The following ZFHX4 variants were observed in gnomAD, a reference collection of about 807,000 sequenced individuals.
ZFHX4 encodes the protein zinc finger homeobox 4.
ZFHX4 carries 56 observed loss-of-function variants against 267.6 expected under a neutral mutation model. The observed-to-expected ratio is 0.21, with a 90% CI of 0.17 to 0.26. The LOEUF (loss-of-function observed/expected upper bound fraction) is 0.26. Ranked by LOEUF, ZFHX4 falls within the 10% of genes least tolerant of loss-of-function variation. ZFHX4 has a pLI of 1.00. For synonymous variants in ZFHX4, 1,778 were observed against 1,665.6 expected (o/e 1.07, Z -1.64); for missense variants, 4,332 against 4,420.0 (o/e 0.98, Z 0.56).
At chr8:76,763,516 A>G (rs1809972258) in intron 3 of ZFHX4, among the ~76,000 whole-genome samples, 1 of 152,068 alleles carries the variant, frequency 6.6e-6, no homozygotes, top group East Asian at 1.9e-4. Context: ...CCAGCTACTC[A>G]GGTGGCTGAG....
chr8:76,719,220 T>C (rs1390171385), intron 3 of ZFHX4, among the ~76,000 whole-genome samples: 1 of 148,822 alleles, frequency 6.7e-6, no homozygotes, highest in Non-Finnish European at 1.5e-5. Flanking sequence ...AGAATGAGAA[T>C]AGAATATATA....
intron 4 of ZFHX4, among the ~76,000 whole-genome samples, chr8:76,789,583 A>ATGAATGAAAGTAAG (rs1810781264): frequency 6.6e-6 from 1 of 152,172 alleles, no homozygotes; most frequent in Non-Finnish European, 1.5e-5. Flanking sequence ...TTCAGGATCA[A>ATGAATGAAAGTAAG]CACAGATCTG....
In ZFHX4 at chr8:76,851,656, C is replaced by G. The variant is rs764442214; in HGVS notation, c.4735C>G (p.Pro1579Ala). Residue 1579 changes from proline (P) to alanine (A), a missense_variant, in exon 10 of 11, where the codon CCT (proline) becomes GCT (alanine). This residue lies in a region of ZFHX4 where 1,371 missense variants were observed against 1,423.1 expected (regional missense o/e 0.96). Coordinates refer to ENST00000651372, the MANE Select transcript of ZFHX4 (RefSeq NM_024721.5). ...LKKVLQEASS[P>A]VPQETNSNTD... ...AAAAGTTTTGCAGGAAGCCTCCAGTCCTGTCCCACAAGAAACCAACAGCAA... is the reference window on the plus strand; with the variant it reads ...AAAAGTTTTGCAGGAAGCCTCCAGTGCTGTCCCACAAGAAACCAACAGCAA... 6.2e-7 allele frequency: 1 copy of G among 1,613,900 alleles called. No homozygotes were observed. Among genetic ancestry groups the G allele is most frequent in the Non-Finnish European group, 8.5e-7 (1 of 1,179,860 alleles).
chr8:76,706,328 A>G lies in ZFHX4; in HGVS notation c.2240A>G (p.Asn747Ser), dbSNP rs377118647. Residue 747 changes from asparagine to serine, a missense_variant, in exon 2 of 11, where the codon AAC (asparagine) becomes AGC (serine). Physicochemically the swap from Asn to Ser is conservative, Grantham distance 46. Coordinates refer to ENST00000651372, the MANE Select transcript of ZFHX4 (RefSeq NM_024721.5). ...TTTGGCCACTCTGCCCCAGCCCCCA[A>G]CACCAGCCTCAGTGGCTGCGGAACA... ...QVFGHSAPAP[N>S]TSLSGCGTPS... 4 of 1,614,022 alleles carry G rather than the reference A, an allele frequency of 2.5e-6. No homozygotes were observed. Among genetic ancestry groups the G allele is most frequent in the Non-Finnish European group, 3.4e-6 (4 of 1,179,974 alleles).
At chr8:76,812,560 A>G (rs866198583) in intron 4 of ZFHX4, among the ~76,000 whole-genome samples, 2 of 152,222 alleles carry the variant, frequency 1.3e-5, no homozygotes, top group Non-Finnish European at 2.9e-5. Context: ...AGCCAAATTT[A>G]AGAAACAGAA....
At chr8:76,792,469 T>G (rs1181087641) in intron 4 of ZFHX4, among the ~76,000 whole-genome samples, 1 of 152,224 alleles carries the variant, frequency 6.6e-6, no homozygotes. Flanking sequence ...AATGGTTTAT[T>G]CCCAATAAGA....
chr8:76,733,965 A>C (rs1236867910), intron 3 of ZFHX4, among the ~76,000 whole-genome samples: 2 of 152,188 alleles, frequency 1.3e-5, no homozygotes, highest in Admixed American at 6.5e-5. Context: ...CACCTATTAG[A>C]GGATAGAGAC....
At chr8:76,786,027 A>T (rs1200618225) in intron 4 of ZFHX4, among the ~76,000 whole-genome samples, 1 of 152,026 alleles carries the variant, frequency 6.6e-6, no homozygotes, top group Non-Finnish European at 1.5e-5. Flanking sequence ...CGTAACGTGG[A>T]TATTATTTTA....
At chr8:76,757,907 C>G (rs905639764) in intron 3 of ZFHX4, among the ~76,000 whole-genome samples, 1 of 152,146 alleles carries the variant, frequency 6.6e-6, no homozygotes, top group Non-Finnish European at 1.5e-5. Context: ...GATGGTGGAC[C>G]AGGGATGTCC....
rs145411369 is a variant in ZFHX4, at chr8:76,712,232, G to T, written c.3093+4184G>T. 4.8e-3 allele frequency among the ~76,000 whole-genome samples: 734 copies of T among 152,126 alleles called. 3 individuals carry two copies. Among genetic ancestry groups the T allele is most frequent in the African/African-American group, 0.017 (700 of 41,506 alleles). On this transcript the variant is annotated intron_variant, in intron 3 of 10. Transcript: ENST00000651372. ...CATTCCCCCGTGGAGCATTTTTTGG[G>T]TTTTTCTCATTATCCATGTTATGGA...
At position 76,855,832 on chromosome 8, in the gene ZFHX4, C is replaced by T. The variant is rs1812706944; in HGVS notation, c.8911C>T (p.Arg2971Cys). 1.2e-6 allele frequency: 2 copies of T among 1,613,848 alleles called. No homozygotes were observed. The highest frequency in any genetic ancestry group is 1.7e-6 in the Non-Finnish European group (2 of 1,179,848). The change falls in exon 10 of 11, where the codon CGC becomes TGC. Residue 2971 changes from arginine to cysteine, a missense_variant. Coordinates refer to ENST00000651372, the MANE Select transcript of ZFHX4 (RefSeq NM_024721.5). Reference protein sequence around the residue: ...MLGNEIGLPKRVVQVWFQNAR... With the variant: ...MLGNEIGLPKCVVQVWFQNAR... ...AGGGAATGAGATTGGTCTGCCCAAA[C>T]GCGTAGTCCAGGTGTGGTTCCAAAA...
chr8:76,831,821 C>T (rs1429429607), intron 4 of ZFHX4, among the ~76,000 whole-genome samples: 1 of 151,982 alleles, frequency 6.6e-6, no homozygotes, highest in Non-Finnish European at 1.5e-5. Context: ...TCAAAAGAAC[C>T]ACGTTAATCA....
intron 4 of ZFHX4, among the ~76,000 whole-genome samples, chr8:76,823,594 T>C (rs1475761443): frequency 6.6e-6 from 1 of 152,210 alleles, no homozygotes; most frequent in Non-Finnish European, 1.5e-5. Flanking sequence ...CTAGGTCAGA[T>C]CTCATAAGTA....
At chr8:76,862,681 C>T (rs953202507) in intron 10 of ZFHX4, among the ~76,000 whole-genome samples, 17 of 152,050 alleles carry the variant, frequency 1.1e-4, no homozygotes, top group African/African-American at 2.4e-4. Flanking sequence ...AAGTGAAGGA[C>T]GGAGAGAGTC....
intron 3 of ZFHX4, among the ~76,000 whole-genome samples, chr8:76,759,909 T>A (rs549409015): frequency 1.3e-5 from 2 of 152,180 alleles, no homozygotes; most frequent in African/African-American, 4.8e-5. Flanking sequence ...GACAGGTAAA[T>A]GATCTAAGTG....
At chr8:76,701,802 T>A (rs906263888) in intron 1 of ZFHX4, among the ~76,000 whole-genome samples, 1 of 151,948 alleles carries the variant, frequency 6.6e-6, no homozygotes, top group African/African-American at 2.4e-5. Flanking sequence ...TTAAAGTGAA[T>A]TTTTTTTACA....
intron 4 of ZFHX4, among the ~76,000 whole-genome samples, chr8:76,826,060 G>T (rs1187902873): frequency 1.3e-5 from 2 of 152,190 alleles, no homozygotes; most frequent in Non-Finnish European, 2.9e-5. Flanking sequence ...GGTTCTGTAG[G>T]CTGTATAAGC....
chr8:76,809,594 T>C (rs748275888), intron 4 of ZFHX4, among the ~76,000 whole-genome samples: 1 of 152,192 alleles, frequency 6.6e-6, no homozygotes, highest in Non-Finnish European at 1.5e-5. Flanking sequence ...CTAAAAACTG[T>C]AGAACCATTA....
intron 4 of ZFHX4, among the ~76,000 whole-genome samples, chr8:76,814,175 G>C (rs1161250550): frequency 1.3e-5 from 2 of 152,072 alleles, no homozygotes; most frequent in Non-Finnish European, 2.9e-5. Flanking sequence ...GGGCACAAGT[G>C]ATCTGTCACC....
Sources: gnomAD v4.1 joint callset for allele counts (sites outside exome capture counted in the v4.1 genomes callset) on GRCh38, gnomAD v4.1.1 for gene constraint, gnomAD v4.1.1 regional missense constraint, MANE v1.5 for transcripts, NCBI Gene and HGNC (gene_info 2026-07-23, HGNC 2026-07-21) for gene names.